Variants in KCNH5 observed in about 807,000 individuals in gnomAD.
KCNH5 encodes the protein potassium voltage-gated channel subfamily H member 5, also known as voltage-gated delayed rectifier potassium channel KCNH5.
KCNH5 carries 46 observed loss-of-function variants against 96.1 expected under a neutral mutation model. The ratio of observed to expected loss-of-function variants is 0.48; its 90% CI spans 0.38 to 0.61. The LOEUF is 0.61. Ranked by LOEUF, KCNH5 falls within the 20% of genes least tolerant of loss-of-function variation. The pLI is 0.00. For synonymous variants in KCNH5, 439 were observed against 449.8 expected (o/e 0.98, Z 0.30); for missense variants, 907 against 1,225.8 (o/e 0.74, Z 3.88).
intron 5 of KCNH5, among the ~76,000 whole-genome samples, chr14:62,985,442 G>C (rs939488116): frequency 2.6e-5 from 4 of 152,170 alleles, no homozygotes; most frequent in Non-Finnish European, 5.9e-5. Flanking sequence ...ACTCTGAAGT[G>C]CTTCGACTCA....
At chr14:62,991,857 G>T (rs1329638745) in intron 4 of KCNH5, among the ~76,000 whole-genome samples, 1 of 151,942 alleles carries the variant, frequency 6.6e-6, no homozygotes, top group Non-Finnish European at 1.5e-5. Context: ...ATAAAGTTAT[G>T]AGGTACAAGT....
rs1186249288 is a variant in KCNH5 at position 62,704,061 on chromosome 14, C to A, written c.*3447G>T. 1 of 151,838 alleles carries A rather than the reference C, an allele frequency of 6.6e-6. No individual in the cohort carries two copies. Among genetic ancestry groups the A allele is most frequent in the African/African-American group, 2.4e-5 (1 of 41,426 alleles). The allele number at this position is 151,838 out of a possible 1,614,324, so 9.4% of individuals were successfully genotyped here. On this transcript the variant is annotated 3_prime_UTR_variant, in exon 11 of 11. Coordinates refer to ENST00000322893, the MANE Select transcript of KCNH5 (RefSeq NM_139318.5). ...TAAACAGAAGGGAAAATGTGATTTT[C>A]ATTTGGGCTCCAATAAGGTTAATTT...
intron 7 of KCNH5, among the ~76,000 whole-genome samples, chr14:62,909,547 A>T (rs181742149): frequency 1.3e-3 from 191 of 152,192 alleles, no homozygotes; most frequent in African/African-American, 4.3e-3. Flanking sequence ...TTCCTCTCAC[A>T]CCTTGTATGC....
At chr14:62,781,422 C>G (rs148893892) in intron 9 of KCNH5, among the ~76,000 whole-genome samples, 14 of 152,124 alleles carry the variant, frequency 9.2e-5, no homozygotes, top group African/African-American at 3.4e-4. Flanking sequence ...TGAGATCAAC[C>G]GGTCTGACCA....
At chr14:62,985,671 A>AT (rs918872236) in intron 5 of KCNH5, among the ~76,000 whole-genome samples, 2 of 151,896 alleles carry the variant, frequency 1.3e-5, no homozygotes, top group Non-Finnish European at 2.9e-5. Context: ...TTCTGTCCTC[A>AT]TTTTTTTTCT....
At chr14:62,793,166 G>A (rs190036540) in intron 9 of KCNH5, among the ~76,000 whole-genome samples, 6 of 151,796 alleles carry the variant, frequency 4.0e-5, no homozygotes, top group Admixed American at 3.9e-4. Context: ...GATAGTTTTT[G>A]TTCAATGGGT....
At chr14:62,979,231 C>A (rs909060457) in intron 6 of KCNH5, among the ~76,000 whole-genome samples, 3 of 151,930 alleles carry the variant, frequency 2.0e-5, no homozygotes, top group Non-Finnish European at 4.4e-5. Flanking sequence ...TTATTGTCCC[C>A]TATCATGTGA....
intron 2 of KCNH5, among the ~76,000 whole-genome samples, chr14:63,012,805 A>C (rs1891253093): frequency 6.6e-6 from 1 of 151,882 alleles, no homozygotes; most frequent in Non-Finnish European, 1.5e-5. Context: ...AAGAAACCAT[A>C]AATATTACAG....
At chr14:63,004,268 T>C (rs139753869) in intron 3 of KCNH5, among the ~76,000 whole-genome samples, 4 of 152,292 alleles carry the variant, frequency 2.6e-5, no homozygotes, top group African/African-American at 4.8e-5. Context: ...TGCATTTAAA[T>C]AGCAAAACTC....
chr14:62,813,062 A>C (rs1437607146), intron 8 of KCNH5, among the ~76,000 whole-genome samples: 1 of 152,188 alleles, frequency 6.6e-6, no homozygotes, highest in Non-Finnish European at 1.5e-5. Flanking sequence ...AGATTGTCTA[A>C]GCACAAATTT....
At chr14:62,909,032 A>ATTTTTTTTT (rs58920666) in intron 7 of KCNH5, among the ~76,000 whole-genome samples, 23 of 57,922 alleles carry the variant, frequency 4.0e-4, no homozygotes, top group East Asian at 1.3e-3. Flanking sequence ...TATGCTACGT[A>ATTTTTTTTT]TTTTTTTTTT....
intron 1 of KCNH5, among the ~76,000 whole-genome samples, chr14:63,017,393 T>C (rs185234919): frequency 1.6e-4 from 24 of 152,036 alleles, no homozygotes; most frequent in Non-Finnish European, 3.1e-4. Context: ...ATTATATTAA[T>C]ATATTGCTGA....
intron 7 of KCNH5, among the ~76,000 whole-genome samples, chr14:62,884,168 ACT>A (rs903968025): frequency 3.9e-5 from 6 of 152,326 alleles, no homozygotes; most frequent in African/African-American, 9.6e-5. Context: ...CTTGAAAATA[ACT>A]CAAAAAATTC....
At chr14:63,016,715 C>T (rs1487373624) in intron 2 of KCNH5, 116 bp downstream of exon 2, 2 of 970,470 alleles carry the variant, frequency 2.1e-6, no homozygotes, top group South Asian at 2.4e-5. Context: ...AATATTCTAA[C>T]ATAATTTTTA....
At chr14:62,929,079 C>T (rs997139324) in intron 7 of KCNH5, among the ~76,000 whole-genome samples, 6 of 152,010 alleles carry the variant, frequency 3.9e-5, no homozygotes, top group Admixed American at 1.3e-4. Context: ...CTTATCAAAA[C>T]TTAGCTCTTA....
At chr14:62,877,671 C>T (rs1459030341) in intron 7 of KCNH5, among the ~76,000 whole-genome samples, 19 of 151,674 alleles carry the variant, frequency 1.3e-4, no homozygotes, top group East Asian at 7.8e-4. Context: ...GTTAGAATGG[C>T]GATCATTAAA....
intron 7 of KCNH5, among the ~76,000 whole-genome samples, chr14:62,904,854 C>T (rs150437439): frequency 0.017 from 2,662 of 152,290 alleles, 40 homozygotes; most frequent in Middle Eastern, 0.054. Flanking sequence ...CTAAACCCTA[C>T]CACCAATGTT....
chr14:62,759,270 G>A (rs774374839), intron 10 of KCNH5, among the ~76,000 whole-genome samples: 4 of 152,122 alleles, frequency 2.6e-5, no homozygotes, highest in Non-Finnish European at 5.9e-5. Context: ...CACACCTGAG[G>A]ATTGAATAGT....
chr14:62,776,927 G>A (rs779807600), intron 10 of KCNH5, among the ~76,000 whole-genome samples: 26 of 152,290 alleles, frequency 1.7e-4, no homozygotes, highest in Middle Eastern at 3.4e-3. Context: ...ACACATGTGT[G>A]GCCAGAACTG....
Sources: gnomAD v4.1 joint callset for allele counts (sites outside exome capture counted in the v4.1 genomes callset) on GRCh38, gnomAD v4.1.1 for gene constraint, MANE v1.5 for transcripts, NCBI Gene and HGNC (gene_info 2026-07-23, HGNC 2026-07-21) for gene names.